UBR4: variants seen among roughly 807,000 people sequenced by gnomAD.
UBR4 encodes the protein ubiquitin protein ligase E3 component n-recognin 4.
Under a neutral mutation model 575.6 loss-of-function variants are expected in UBR4, and 124 were observed. That is an observed-to-expected ratio of 0.22 (90% CI 0.19 to 0.25). The LOEUF (loss-of-function observed/expected upper bound fraction) is 0.25, where lower values mean the gene tolerates loss of function less well. Ranked by LOEUF, UBR4 falls within the 10% of genes least tolerant of loss-of-function variation. The probability of loss-of-function intolerance (pLI) is 1.00; values close to 1 mark genes in which losing one functional copy is unlikely to be tolerated. For synonymous variants in UBR4, 2,455 were observed against 2,473.7 expected (o/e 0.99, Z 0.22); for missense variants, 4,818 against 6,478.8 (o/e 0.74, Z 8.80).
At chr1:19,104,016 G>T in intron 87 of UBR4, 68 bp downstream of exon 87, 1 of 1,547,248 alleles carries the variant, frequency 6.5e-7, no homozygotes, top group East Asian at 2.3e-5. Flanking sequence ...GGGGGAAATT[G>T]GTCGAATGCA....
At chr1:19,081,910 GT>G (rs1353293753) in intron 102 of UBR4, 1 of 610,678 alleles carries the variant, frequency 1.6e-6, no homozygotes, top group Non-Finnish European at 3.0e-6. Context: ...AACTGTGCTA[GT>G]AACTCCAGAG....
chr1:19,189,706 TATG>T (rs1253068036), intron 11 of UBR4, among the ~76,000 whole-genome samples: 2 of 152,180 alleles, frequency 1.3e-5, no homozygotes, highest in African/African-American at 4.8e-5. Context: ...TCTTTTAAAA[TATG>T]AAGAAACAAC....
intron 21 of UBR4, 128 bp downstream of exon 21, chr1:19,174,826 C>A: frequency 2.3e-6 from 2 of 864,688 alleles, no homozygotes; most frequent in Non-Finnish European, 3.5e-6. Context: ...TTAGAATAAG[C>A]TCAAATCGTA....
In UBR4 at chr1:19,198,795, C is replaced by T. The variant is rs185988280; in HGVS notation, c.508+4G>A. 436 of 1,614,124 alleles carry T rather than the reference C, an allele frequency of 2.7e-4. No homozygotes were observed. The African/African-American group carries it at 5.2e-3, about 19-fold the overall frequency. On this transcript the variant is annotated splice_donor_region_variant and intron_variant, in intron 4 of 105. Transcript: ENST00000375254. ...GTGATCAGATCTGTCAAAGGAACAC[C>T]CACCGTCTGAAAGTGTCTTCACTGT...
In UBR4 at chr1:19,088,477, C is replaced by T. The variant is rs2077221092; in HGVS notation, c.14430+282G>A. ...GGAAAATGGGTATAACAATATCAAC[C>T]TCCTAGAACTACTTGAGGGCTTAAA... On this transcript the variant is annotated intron_variant, in intron 98 of 105. Coordinates refer to ENST00000375254, the MANE Select transcript of UBR4 (RefSeq NM_020765.3). This position sits in a 1 kb window ranked among gnomAD's most constrained non-coding sequence, Gnocchi z 4.0. 6.6e-6 allele frequency among the ~76,000 whole-genome samples: 1 copy of T among 152,172 alleles called. No individual in the cohort carries two copies. Among genetic ancestry groups the T allele is most frequent in the African/African-American group, 2.4e-5 (1 of 41,436 alleles).
At chr1:19,192,075 G>A (rs900450260) in intron 11 of UBR4, 113 bp downstream of exon 11, 4 of 1,201,996 alleles carry the variant, frequency 3.3e-6, no homozygotes, top group Non-Finnish European at 4.6e-6. Context: ...CTAAATTCAA[G>A]CCAGGTAGGA....
chr1:19,208,142 A>G (rs1056498066), intron 1 of UBR4, among the ~76,000 whole-genome samples: 1 of 152,232 alleles, frequency 6.6e-6, no homozygotes, highest in Non-Finnish European at 1.5e-5. Context: ...TTTCAAAGCT[A>G]ACTGAGCTCC....
chr1:19,084,633 T>C lies in UBR4; in HGVS notation c.14879A>G (p.Asp4960Gly). Residue 4960 changes from aspartate to glycine, a missense_variant, in exon 102 of 106, where the codon GAC becomes GGC. By Grantham distance (94) the Asp-to-Gly change is moderately conservative (BLOSUM62 -1). Transcript: ENST00000375254. ...GAAGCGCAGGAAGAGCAGTTTGATG[T>C]CATGGATGTTGAGCTGATACGTGGG... The part of the protein sequence containing the change: ...REPTYQLNIH[D>G]IKLLFLRFAM... 1.2e-6 allele frequency: 2 copies of C among 1,614,112 alleles called. No homozygotes were observed. The highest frequency in any genetic ancestry group is 1.7e-6 in the Non-Finnish European group (2 of 1,179,976).
At position 19,161,815 on chromosome 1, in the gene UBR4, A is replaced by C. The variant is rs1191854681; in HGVS notation, c.5027+12T>G. 1 of 1,614,248 alleles carries C rather than the reference A, an allele frequency of 6.2e-7. No homozygotes were observed. The highest frequency in any genetic ancestry group is 1.7e-5 in the Admixed American group (1 of 60,028). On this transcript the variant is annotated intron_variant, in intron 36 of 105. Transcript: ENST00000375254. ...CAGCAAATCTTCACCTTAAAGGAAGAACTACCCTTACCAATGCTGGTTCAT... is the reference window on the plus strand; with the variant it reads ...CAGCAAATCTTCACCTTAAAGGAAGCACTACCCTTACCAATGCTGGTTCAT...
At chr1:19,198,769 T>A (rs776212773) in intron 4 of UBR4, 30 bp downstream of exon 4, 4 of 1,613,482 alleles carry the variant, frequency 2.5e-6, no homozygotes, top group Non-Finnish European at 3.4e-6. Flanking sequence ...GGGGTGGTCA[T>A]GTGATCAGAT....
At chr1:19,163,910 T>C (rs569856557) in intron 33 of UBR4, 83 bp from the exon 34 acceptor site, 42 of 1,428,220 alleles carry the variant, frequency 2.9e-5, no homozygotes, top group Non-Finnish European at 3.5e-5. Flanking sequence ...TTCATTAACT[T>C]TGAATCAATC....
At chr1:19,113,576 T>C in intron 77 of UBR4, 123 bp downstream of exon 77, 3 of 1,449,836 alleles carry the variant, frequency 2.1e-6, no homozygotes, top group Admixed American at 4.1e-5. Context: ...CCTTTTCAGC[T>C]AGATTGGGCA....
At chr1:19,111,119 G>GT (rs2079820956) in intron 78 of UBR4, among the ~76,000 whole-genome samples, 1 of 152,202 alleles carries the variant, frequency 6.6e-6, no homozygotes, top group South Asian at 2.1e-4. Context: ...CTGCTGTCTG[G>GT]TGTGACACAG....
chr1:19,083,479 G>A (rs2076719171), intron 102 of UBR4, among the ~76,000 whole-genome samples: 1 of 152,162 alleles, frequency 6.6e-6, no homozygotes, highest in African/African-American at 2.4e-5. Flanking sequence ...CTAGGAGATG[G>A]GGCCTACAAG....
Position 19,157,649 on chromosome 1 carries a change from G to C in UBR4, c.5760+166C>G, listed in dbSNP as rs1239725433. 6.6e-6 allele frequency among the ~76,000 whole-genome samples: 1 copy of C among 152,234 alleles called. No individual in the cohort carries two copies. Among genetic ancestry groups the C allele is most frequent in the Non-Finnish European group, 1.5e-5 (1 of 68,046 alleles). On this transcript the variant is annotated intron_variant, in intron 40 of 105. Coordinates refer to ENST00000375254, the MANE Select transcript of UBR4 (RefSeq NM_020765.3). This position sits in a 1 kb window ranked among gnomAD's most constrained non-coding sequence, Gnocchi z 4.4. ...TCTAGGTCTAATCAAATCAATTCAG[G>C]GTTCAAGTATTTGAAAAGCTCAACA...
Position 19,152,004 on chromosome 1 carries a change from AAAAATGGG to A in UBR4, c.6997-153_6997-146del, listed in dbSNP as rs776940488. ...CCCTGGTAATGACTTCCTTGTTTCTAAAAATGGGAAAATAGGAAAAGAGAGCAGATTCT... is the reference window on the plus strand; with the variant it reads ...CCCTGGTAATGACTTCCTTGTTTCTAAAAATAGGAAAAGAGAGCAGATTCT... On this transcript the variant is annotated intron_variant, in intron 47 of 105. Coordinates refer to ENST00000375254, the MANE Select transcript of UBR4 (RefSeq NM_020765.3). The surrounding 1 kb of genome is among the most constrained non-coding windows in gnomAD (Gnocchi z 4.4). 1.2e-6 allele frequency: 1 copy of A among 869,078 alleles called. No homozygotes were observed. Among genetic ancestry groups the A allele is most frequent in the Non-Finnish European group, 1.7e-6 (1 of 585,170 alleles). The allele number at this position is 869,078 out of a possible 1,614,324, so 53.8% of individuals were successfully genotyped here.
intron 3 of UBR4, 107 bp from the exon 4 acceptor site, chr1:19,199,035 A>C (rs1410841578): frequency 1.3e-5 from 18 of 1,337,974 alleles, no homozygotes; most frequent in Non-Finnish European, 1.7e-5. Flanking sequence ...ATTTAGGTTC[A>C]TATAAACACT....
Position 19,190,312 on chromosome 1 carries a change from A to AATATATATATAT in UBR4, c.1394+1864_1394+1875dup, listed in dbSNP as rs1553226959. The stretch of plus-strand genomic sequence containing the variant: ...TGCCTCAAAAAAAAAAAAAAAAAAA[A>AATATATATATAT]ATATATATATATATATATTTGTATG... On this transcript the variant is annotated intron_variant, in intron 11 of 105. Coordinates refer to ENST00000375254, the MANE Select transcript of UBR4 (RefSeq NM_020765.3). Among the ~76,000 whole-genome samples the AATATATATATAT allele has an allele frequency of 6.0e-3, 475 of 79,214 alleles. 1 individual carries two copies. Among genetic ancestry groups the AATATATATATAT allele is most frequent in the East Asian group, 8.8e-3 (15 of 1,710 alleles). The allele number at this position is 79,214 out of a possible 152,430, so 52.0% of individuals were successfully genotyped here. A position where few individuals can be genotyped will look rare whatever the true frequency, so the allele number is the denominator to read the frequency against.
chr1:19,204,021 CAG>C (rs1432087508), intron 1 of UBR4, among the ~76,000 whole-genome samples: 2 of 152,088 alleles, frequency 1.3e-5, no homozygotes, highest in African/African-American at 2.4e-5. Flanking sequence ...TTTTTTGAGA[CAG>C]AGTCTCGCTC....
Sources: gnomAD v4.1 joint callset for allele counts (sites outside exome capture counted in the v4.1 genomes callset) on GRCh38, gnomAD v4.1.1 for gene constraint, Gnocchi (gnomAD v3.1) non-coding constraint, MANE v1.5 for transcripts, NCBI Gene and HGNC (gene_info 2026-07-23, HGNC 2026-07-21) for gene names.